ZFAND3: variants seen among roughly 807,000 people sequenced by gnomAD.
ZFAND3 encodes the protein zinc finger AN1-type containing 3, also known as AN1-type zinc finger protein 3.
Under a neutral mutation model 29.6 loss-of-function variants are expected in ZFAND3, and 10 were observed. The ratio of observed to expected loss-of-function variants is 0.34; its 90% CI spans 0.21 to 0.57. ZFAND3 has a LOEUF of 0.57. ZFAND3 is among the 20% of genes least tolerant of loss of function. The pLI is 0.86. For missense variants in ZFAND3, 230 were observed against 304.5 expected, an observed-to-expected ratio of 0.76 and a Z score of 1.82; for synonymous variants, 128 against 112.6, an observed-to-expected ratio of 1.14 and a Z score of -0.87.
chr6:37,971,860 G>A (rs1762393680), intron 2 of ZFAND3, among the ~76,000 whole-genome samples: 1 of 148,982 alleles, frequency 6.7e-6, no homozygotes, highest in Non-Finnish European at 1.5e-5. Flanking sequence ...AATTAGCCCA[G>A]TATGGTGGTG....
intron 2 of ZFAND3, among the ~76,000 whole-genome samples, chr6:38,022,160 C>T (rs1763365466): frequency 6.6e-6 from 1 of 152,176 alleles, no homozygotes; most frequent in South Asian, 2.1e-4. Flanking sequence ...ATTCCAAATA[C>T]TAAATCAGAA....
At chr6:37,824,960 A>T (rs1561901443) in intron 1 of ZFAND3, among the ~76,000 whole-genome samples, 2 of 152,220 alleles carry the variant, frequency 1.3e-5, no homozygotes, top group Non-Finnish European at 1.5e-5. Flanking sequence ...TGAAAACATA[A>T]CATGATTTGT....
intron 2 of ZFAND3, among the ~76,000 whole-genome samples, chr6:38,047,145 C>T (rs1451892008): frequency 1.3e-5 from 2 of 151,802 alleles, no homozygotes; most frequent in African/African-American, 2.4e-5. Flanking sequence ...GGTGAAACCC[C>T]GTTTCTACTA....
intron 5 of ZFAND3, among the ~76,000 whole-genome samples, chr6:38,142,497 T>G (rs1286205863): frequency 6.6e-6 from 1 of 152,258 alleles, no homozygotes; most frequent in Non-Finnish European, 1.5e-5. Context: ...CCTCCCCTTT[T>G]GTCATCTCTA....
At chr6:37,938,477 C>A (rs181574130) in intron 2 of ZFAND3, among the ~76,000 whole-genome samples, 1 of 152,170 alleles carries the variant, frequency 6.6e-6, no homozygotes, top group Non-Finnish European at 1.5e-5. Context: ...TTTTATACCA[C>A]AGTTGCAATC....
chr6:38,026,787 C>CAGAGAGAGAG (rs71907088), intron 2 of ZFAND3, among the ~76,000 whole-genome samples: 5 of 148,936 alleles, frequency 3.4e-5, no homozygotes, highest in Admixed American at 6.7e-5. Flanking sequence ...TTTTAATAAC[C>CAGAGAGAGAG]AGAGAGAGAG....
chr6:37,948,075 C>T (rs1479909252), intron 2 of ZFAND3, among the ~76,000 whole-genome samples: 1 of 152,094 alleles, frequency 6.6e-6, no homozygotes, highest in Non-Finnish European at 1.5e-5. Flanking sequence ...GTGCATTCTG[C>T]TGTTGTTGAG....
intron 2 of ZFAND3, among the ~76,000 whole-genome samples, chr6:38,026,761 A>G (rs962641822): frequency 6.7e-6 from 1 of 149,540 alleles, no homozygotes; most frequent in African/African-American, 2.5e-5. Flanking sequence ...TGTGGTAGAT[A>G]TTATGGCTCT....
intron 1 of ZFAND3, among the ~76,000 whole-genome samples, chr6:37,900,351 T>C (rs1561927395): frequency 6.6e-6 from 1 of 152,306 alleles, no homozygotes; most frequent in East Asian, 1.9e-4. Flanking sequence ...ATTCAAAATT[T>C]TACTCTCTTG....
intron 1 of ZFAND3, among the ~76,000 whole-genome samples, chr6:37,921,272 T>C (rs1761372854): frequency 6.6e-6 from 1 of 152,130 alleles, no homozygotes; most frequent in Non-Finnish European, 1.5e-5. Context: ...GGAACTTTCT[T>C]TGTAGTCTAG....
intron 2 of ZFAND3, among the ~76,000 whole-genome samples, chr6:38,011,568 T>G (rs536983985): frequency 6.6e-6 from 1 of 152,352 alleles, no homozygotes; most frequent in Non-Finnish European, 1.5e-5. Flanking sequence ...AATTTTCATT[T>G]CCTTTTGGTT....
At chr6:38,139,690 A>G (rs957740428) in intron 5 of ZFAND3, among the ~76,000 whole-genome samples, 5 of 152,146 alleles carry the variant, frequency 3.3e-5, no homozygotes, top group African/African-American at 9.7e-5. Context: ...ACAGGGCTGG[A>G]TCTCATCATC....
intron 2 of ZFAND3, among the ~76,000 whole-genome samples, chr6:38,038,623 G>C (rs57160603): frequency 0.086 from 13,138 of 151,918 alleles, 753 homozygotes; most frequent in East Asian, 0.29. Context: ...TTTCCCCCCC[G>C]CTTTGGTGCT....
chr6:37,904,200 G>T (rs1459888427), intron 1 of ZFAND3, among the ~76,000 whole-genome samples: 3 of 152,166 alleles, frequency 2.0e-5, no homozygotes, highest in African/African-American at 7.2e-5. Context: ...GCCTATGTGG[G>T]TGTATACAGT....
intron 1 of ZFAND3, among the ~76,000 whole-genome samples, chr6:37,833,697 G>A (rs186400917): frequency 6.6e-6 from 1 of 151,818 alleles, no homozygotes; most frequent in East Asian, 1.9e-4. Context: ...GTGGTGGCGA[G>A]CGTCTGTAGT....
rs1306447588 is a variant in ZFAND3, at chr6:38,116,752, C to G, written c.529+13C>G. On this transcript the variant is annotated intron_variant, in intron 5 of 5. Transcript: ENST00000287218. ...TCGTGTCGCTGCGGTAAGCATCTCCCCCAGTGGCGTGATGGAGACTATATC... is the reference window on the plus strand; with the variant it reads ...TCGTGTCGCTGCGGTAAGCATCTCCGCCAGTGGCGTGATGGAGACTATATC... 1 of 1,612,228 alleles carries G rather than the reference C, an allele frequency of 6.2e-7. No individual in the cohort carries two copies. Among genetic ancestry groups the G allele is most frequent in the African/African-American group, 1.3e-5 (1 of 74,986 alleles).
intron 2 of ZFAND3, among the ~76,000 whole-genome samples, chr6:38,048,275 T>C (rs944253326): frequency 6.6e-6 from 1 of 151,924 alleles, no homozygotes; most frequent in Non-Finnish European, 1.5e-5. Context: ...AGTGCTAGGA[T>C]TACAGGCATG....
At chr6:37,938,021 A>G (rs1761735372) in intron 2 of ZFAND3, among the ~76,000 whole-genome samples, 1 of 152,184 alleles carries the variant, frequency 6.6e-6, no homozygotes, top group Non-Finnish European at 1.5e-5. Flanking sequence ...AAAATGTCAC[A>G]GTTTTCTTTT....
chr6:38,114,513 G>A (rs948931737), intron 4 of ZFAND3, among the ~76,000 whole-genome samples: 1 of 152,212 alleles, frequency 6.6e-6, no homozygotes, highest in Non-Finnish European at 1.5e-5. Context: ...TAGTTGGTTT[G>A]TATTGGGGCA....
Sources: allele counts gnomAD v4.1 joint callset (sites outside exome capture counted in the v4.1 genomes callset), GRCh38; gene constraint gnomAD v4.1.1; transcripts MANE v1.5; gene names NCBI Gene and HGNC (gene_info 2026-07-23, HGNC 2026-07-21).